Variants in G2E3 observed in about 807,000 individuals in gnomAD.
G2E3 encodes G2/M-phase specific E3 ubiquitin protein ligase.
A neutral mutation model predicts 92.8 loss-of-function variants in G2E3; 35 were observed. That is an observed-to-expected ratio of 0.38 (90% CI 0.29 to 0.50). The LOEUF is 0.50. Ranked by LOEUF, G2E3 falls within the 20% of genes least tolerant of loss-of-function variation. The pLI is 0.94. For missense variants in G2E3, 554 were observed against 823.8 expected, an observed-to-expected ratio of 0.67 and a Z score of 4.01; for synonymous variants, 242 against 272.4, an observed-to-expected ratio of 0.89 and a Z score of 1.10.
At chr14:30,578,845 C>T (rs1430859183) in intron 1 of G2E3, among the ~76,000 whole-genome samples, 1 of 151,942 alleles carries the variant, frequency 6.6e-6, no homozygotes, top group Admixed American at 6.6e-5. Flanking sequence ...TGGACTCAAC[C>T]CTTCTACACA....
At chr14:30,607,496 G>A (rs920522347) in intron 11 of G2E3, among the ~76,000 whole-genome samples, 2 of 152,084 alleles carry the variant, frequency 1.3e-5, no homozygotes, top group African/African-American at 4.8e-5. Flanking sequence ...TATACAAAAG[G>A]TAATGCATTG....
At chr14:30,580,783 C>G (rs1252613109) in intron 1 of G2E3, 1 of 290,816 alleles carries the variant, frequency 3.4e-6, no homozygotes, top group Non-Finnish European at 6.4e-6. Context: ...TTGTGTAGGA[C>G]TGTTTGGAGC....
chr14:30,605,290 G>A lies in G2E3; in HGVS notation c.1011-215G>A, dbSNP rs1487602060. ...TGTACATGATTCTAATTTGGTAAAA[G>A]ATTGGGGTGAGGAATCAAGAATTTA... On this transcript the variant is annotated intron_variant, in intron 10 of 14. Transcript: ENST00000206595. 2.0e-5 allele frequency among the ~76,000 whole-genome samples: 3 copies of A among 152,186 alleles called. No individual in the cohort carries two copies. The East Asian group carries it at 5.8e-4, about 29-fold the overall frequency.
Position 30,593,581 on chromosome 14 carries a change from A to T in G2E3, c.470A>T (p.Tyr157Phe), listed in dbSNP as rs1454070618. The T allele has an allele frequency of 1.2e-5, 20 of 1,604,834 alleles. No homozygotes were observed. In the East Asian group the frequency reaches 4.5e-4, roughly 36 times the overall value. Residue 157 changes from tyrosine (Y) to phenylalanine (F), a missense_variant, in exon 6 of 15, where the codon TAT becomes TTT. Physicochemically the swap from Tyr to Phe is conservative, Grantham distance 22. Coordinates refer to ENST00000206595, the MANE Select transcript of G2E3 (RefSeq NM_017769.5). Reference protein sequence around the residue: ...CLEFIEPIPSYNILRSPCCKN... With the variant: ...CLEFIEPIPSFNILRSPCCKN... The stretch of plus-strand genomic sequence containing the variant: ...GAATTTATTGAGCCTATTCCAAGTT[A>T]TAACATATTACGAAGTCCTTGTTGT...
At chr14:30,615,904 A>G (rs1404112585) in intron 14 of G2E3, among the ~76,000 whole-genome samples, 3 of 152,210 alleles carry the variant, frequency 2.0e-5, no homozygotes, top group Non-Finnish European at 4.4e-5. Flanking sequence ...GGCTATAACA[A>G]TGATATTTAT....
rs1040533084 is a variant in G2E3, at chr14:30,568,004, T to G, written c.-5+8732T>G. On this transcript the variant is annotated intron_variant, in intron 1 of 14. Coordinates refer to ENST00000206595, the MANE Select transcript of G2E3 (RefSeq NM_017769.5). ...TGCATTTGAGAAGAATGTTTCATTC[T>G]GTTGTAGGGTGGAGTGTTCTGTATA... is the stretch of plus-strand genomic sequence containing the variant. Among the ~76,000 whole-genome samples, 5 of 152,284 alleles carry G rather than the reference T, an allele frequency of 3.3e-5. No individual in the cohort carries two copies. In the South Asian group the frequency reaches 6.2e-4, roughly 19 times the overall value.
chr14:30,577,072 A>G (rs1880140629), intron 1 of G2E3, among the ~76,000 whole-genome samples: 1 of 151,988 alleles, frequency 6.6e-6, no homozygotes, highest in Admixed American at 6.6e-5. Flanking sequence ...TAAAAATACA[A>G]AAATTAGCTA....
chr14:30,593,513 A>G lies in G2E3; in HGVS notation c.402A>G (p.Thr134=). The G allele has an allele frequency of 6.4e-7, 1 of 1,552,610 alleles. No homozygotes were observed. Among genetic ancestry groups the G allele is most frequent in the Admixed American group, 1.7e-5 (1 of 58,880 alleles). ...ACCATCGACCTGTTCAAATAATTAC[A>G]TCTAATAATTATAGAGAGTCCTTAC... ...CWDHRPVQII[T]SNNYRESLPC... is the part of the protein sequence containing the mutation. The change falls in exon 6 of 15, where the codon ACA becomes ACG. Residue 134 remains threonine, a synonymous_variant. Coordinates refer to ENST00000206595, the MANE Select transcript of G2E3 (RefSeq NM_017769.5).
intron 2 of G2E3, among the ~76,000 whole-genome samples, chr14:30,582,964 G>A (rs1020318954): frequency 6.6e-6 from 1 of 152,124 alleles, no homozygotes; most frequent in African/African-American, 2.4e-5. Context: ...TTGATTGCAT[G>A]TATTATTCAA....
In G2E3 at chr14:30,620,044, A is replaced by G. The variant is rs1424240909; in HGVS notation, c.*3510A>G. Reference sequence around the variant, plus strand: ...CTCTAATGTAAAATAGCTTACCAGAATAAATTATTTAAGCCAAAAATCTGG... The same window carrying G: ...CTCTAATGTAAAATAGCTTACCAGAGTAAATTATTTAAGCCAAAAATCTGG... On this transcript the variant is annotated 3_prime_UTR_variant, in exon 15 of 15. Transcript: ENST00000206595. The G allele has an allele frequency of 6.6e-6, 1 of 152,248 alleles. No homozygotes were observed. The highest frequency in any genetic ancestry group is 1.5e-5 in the Non-Finnish European group (1 of 68,030). The allele number at this position is 152,248 out of a possible 1,614,324, so 9.4% of individuals were successfully genotyped here. A position where few individuals can be genotyped will look rare whatever the true frequency, so the allele number is the denominator to read the frequency against.
intron 1 of G2E3, among the ~76,000 whole-genome samples, chr14:30,567,562 C>T (rs915060873): frequency 6.6e-6 from 1 of 151,838 alleles, no homozygotes; most frequent in Non-Finnish European, 1.5e-5. Context: ...GGTCATCTAA[C>T]TAAACGTTTT....
At position 30,602,138 on chromosome 14, in the gene G2E3, A is replaced by G. The variant is rs180938403; in HGVS notation, c.1010+7A>G. On this transcript the variant is annotated splice_region_variant and intron_variant, in intron 10 of 14. Transcript: ENST00000206595. ...AGAGTAAAGATCTACTGAGGTATGT[A>G]TTTTGAATTGGAGAAATACATAAAA... 3 of 1,586,396 alleles carry G rather than the reference A, an allele frequency of 1.9e-6. No individual in the cohort carries two copies. In the Admixed American group the frequency reaches 5.7e-5, roughly 30 times the overall value.
At chr14:30,614,487 C>T (rs978669225) in intron 13 of G2E3, among the ~76,000 whole-genome samples, 1 of 152,204 alleles carries the variant, frequency 6.6e-6, no homozygotes, top group African/African-American at 2.4e-5. Context: ...ATCAGGAGCT[C>T]ACTCCCACAA....
rs1294580447 is a variant in G2E3, at chr14:30,598,584, A to G, written c.737A>G (p.Tyr246Cys). The part of the protein sequence containing the change: ...RRCRCKEGRD[Y>C]NAPDSKWEIK... Reference sequence around the variant, plus strand: ...TGTCGTTGCAAAGAAGGGCGAGACTATAATGCACCTGATAGGTATTTCTGA... The same window carrying G: ...TGTCGTTGCAAAGAAGGGCGAGACTGTAATGCACCTGATAGGTATTTCTGA... Residue 246 changes from tyrosine (Y) to cysteine (C), a missense_variant, in exon 8 of 15, where the codon TAT (tyrosine) becomes TGT (cysteine). By Grantham distance (194) the Tyr-to-Cys change is radical. Transcript: ENST00000206595. 4 of 1,600,298 alleles carry G rather than the reference A, an allele frequency of 2.5e-6. No homozygotes were observed. The Admixed American group carries it at 5.0e-5, about 20-fold the overall frequency.
At chr14:30,595,138 T>TA (rs903703131) in intron 6 of G2E3, among the ~76,000 whole-genome samples, 1 of 151,684 alleles carries the variant, frequency 6.6e-6, no homozygotes, top group South Asian at 2.1e-4. Context: ...ATTCTGTCTT[T>TA]AAAAAAAATG....
chr14:30,581,147 A>G (rs767155018), intron 2 of G2E3, 31 bp downstream of exon 2: 2 of 1,194,342 alleles, frequency 1.7e-6, no homozygotes, highest in Non-Finnish European at 1.2e-6. Context: ...TAATTTTATT[A>G]CAATGAGTGT....
intron 1 of G2E3, among the ~76,000 whole-genome samples, chr14:30,566,228 T>TA (rs1430518939): frequency 6.6e-6 from 1 of 152,214 alleles, no homozygotes; most frequent in Non-Finnish European, 1.5e-5. Flanking sequence ...GGGATCCTTT[T>TA]GACTATTCAG....
chr14:30,614,313 T>C (rs988353763), intron 13 of G2E3, among the ~76,000 whole-genome samples: 29 of 152,200 alleles, frequency 1.9e-4, no homozygotes, highest in African/African-American at 6.8e-4. Flanking sequence ...AGAAAAGAAA[T>C]TTATTTCTCA....
chr14:30,605,460 G>A, intron 10 of G2E3, 45 bp from the exon 11 acceptor site: 1 of 708,800 alleles, frequency 1.4e-6, no homozygotes, highest in Middle Eastern at 2.6e-4. Context: ...TTCACATAAA[G>A]TACTTTAAAG....
Sources: gnomAD v4.1 joint callset for allele counts (sites outside exome capture counted in the v4.1 genomes callset) on GRCh38, gnomAD v4.1.1 for gene constraint, MANE v1.5 for transcripts, NCBI Gene and HGNC (gene_info 2026-07-23, HGNC 2026-07-21) for gene names.